The following CUX1 variants were observed in gnomAD, a reference collection of about 807,000 sequenced individuals.
CUX1 encodes the protein protein CASP.
CUX1 carries 31 observed loss-of-function variants against 158.8 expected under a neutral mutation model. The ratio of observed to expected loss-of-function variants is 0.20; its 90% CI spans 0.15 to 0.26. CUX1 has a LOEUF of 0.26. CUX1 is among the 10% of genes least tolerant of loss of function. CUX1 has a pLI of 1.00. For synonymous variants in CUX1, 879 were observed against 862.1 expected, an observed-to-expected ratio of 1.02 and a Z score of -0.34; for missense variants, 1,589 against 2,014.6, an observed-to-expected ratio of 0.79 and a Z score of 4.04.
intron 1 of CUX1, among the ~76,000 whole-genome samples, chr7:101,856,326 A>G (rs1206825227): frequency 1.3e-5 from 2 of 151,940 alleles, no homozygotes; most frequent in Non-Finnish European, 1.5e-5. Context: ...ATGTTATTCC[A>G]CGGTTGCGGT....
At chr7:101,992,183 G>C (rs1297163089) in intron 2 of CUX1, among the ~76,000 whole-genome samples, 2 of 151,936 alleles carry the variant, frequency 1.3e-5, no homozygotes, top group Non-Finnish European at 2.9e-5. Flanking sequence ...ACTTCTTCTA[G>C]CCAGAGCTTT....
chr7:102,070,248 G>A (rs1234096111), intron 3 of CUX1, 91 bp from the exon 4 acceptor site: 1 of 1,095,552 alleles, frequency 9.1e-7, no homozygotes, highest in Non-Finnish European at 1.3e-6. Context: ...CCTTGCTACG[G>A]GAATTCACTA....
intron 8 of CUX1, among the ~76,000 whole-genome samples, chr7:102,124,979 G>A (rs782619902): frequency 9.2e-5 from 14 of 151,910 alleles, no homozygotes; most frequent in Non-Finnish European, 1.8e-4. Context: ...ACAGGGTTTC[G>A]CCATGTTGGC....
intron 1 of CUX1, among the ~76,000 whole-genome samples, chr7:101,860,423 A>T (rs1230833877): frequency 1.3e-5 from 2 of 152,260 alleles, no homozygotes; most frequent in Non-Finnish European, 2.9e-5. Flanking sequence ...AAAATACCTA[A>T]TACCACGATC....
At chr7:101,922,169 T>C (rs142924971) in intron 2 of CUX1, among the ~76,000 whole-genome samples, 32 of 152,350 alleles carry the variant, frequency 2.1e-4, no homozygotes, top group African/African-American at 5.8e-4. Context: ...CAAATATTTA[T>C]TGAACACCTT....
chr7:101,925,231 C>T (rs1805450626), intron 2 of CUX1, among the ~76,000 whole-genome samples: 1 of 152,182 alleles, frequency 6.6e-6, no homozygotes, highest in Non-Finnish European at 1.5e-5. Flanking sequence ...GCCTCAGCCT[C>T]CCAAATAGCT....
chr7:101,926,273 A>G (rs1048905765), intron 2 of CUX1, among the ~76,000 whole-genome samples: 4 of 152,230 alleles, frequency 2.6e-5, no homozygotes, highest in African/African-American at 7.2e-5. Context: ...ACTGTTACCA[A>G]TTAAACCCTT....
intron 12 of CUX1, among the ~76,000 whole-genome samples, chr7:102,192,302 G>T (rs1262553431): frequency 6.6e-6 from 1 of 152,132 alleles, no homozygotes; most frequent in African/African-American, 2.4e-5. Context: ...GATCCCTCCT[G>T]CTGGGGTCCT....
chr7:102,056,748 T>C (rs944566241), intron 3 of CUX1, among the ~76,000 whole-genome samples: 3 of 151,972 alleles, frequency 2.0e-5, no homozygotes, highest in African/African-American at 7.3e-5. Context: ...TTTTTGTATT[T>C]TTAGAAGAGA....
At chr7:101,980,487 C>T (rs1227842028) in intron 2 of CUX1, among the ~76,000 whole-genome samples, 4 of 152,052 alleles carry the variant, frequency 2.6e-5, no homozygotes, top group South Asian at 2.1e-4. Context: ...CCAGCCTGGG[C>T]GACAGAGGGA....
intron 3 of CUX1, among the ~76,000 whole-genome samples, chr7:102,033,283 CAATT>C (rs1311438636): frequency 4.6e-5 from 7 of 151,252 alleles, no homozygotes; most frequent in African/African-American, 1.2e-4. Context: ...GACTCCATCT[CAATT>C]AAATAAATAA....
At position 102,132,292 on chromosome 7, in the gene CUX1, A is replaced by T. The variant is rs182497340; in HGVS notation, c.674+17019A>T. On this transcript the variant is annotated intron_variant, in intron 8 of 23. Transcript: ENST00000292535. The stretch of plus-strand genomic sequence containing the variant: ...TATTTGCAATATATATGAGAGAGAG[A>T]GTGTGTGTGTGTGTGTGCGCGCGCG... Among the ~76,000 whole-genome samples, 69 of 103,400 alleles carry T rather than the reference A, an allele frequency of 6.7e-4. 1 individual carries two copies. Among genetic ancestry groups the T allele is most frequent in the Non-Finnish European group, 8.7e-4 (46 of 53,058 alleles). 67.8% of individuals were successfully genotyped at this position (103,400 alleles called of 152,430 possible).
chr7:102,072,452 G>A (rs536918551), intron 4 of CUX1, among the ~76,000 whole-genome samples: 1 of 152,206 alleles, frequency 6.6e-6, no homozygotes, highest in Non-Finnish European at 1.5e-5. Flanking sequence ...ACTTCTATGC[G>A]AACGAAGACT....
chr7:101,894,477 A>G (rs1801245359), intron 1 of CUX1, among the ~76,000 whole-genome samples: 1 of 151,968 alleles, frequency 6.6e-6, no homozygotes, highest in African/African-American at 2.4e-5. Flanking sequence ...CACTTGGATA[A>G]TTTTTTGTAT....
intron 9 of CUX1, among the ~76,000 whole-genome samples, chr7:102,162,632 G>A (rs1204182223): frequency 4.0e-5 from 6 of 151,766 alleles, no homozygotes; most frequent in South Asian, 2.1e-4. Context: ...TGCCCACCTC[G>A]GCCTCCCAAA....
At chr7:102,275,116 T>G in intron 16 of CUX1, 3 of 641,424 alleles carry the variant, frequency 4.7e-6, no homozygotes, top group Non-Finnish European at 8.1e-6. Flanking sequence ...CACCAGGGAG[T>G]CAGACACCAT....
At chr7:101,937,802 C>A (rs375778021) in intron 2 of CUX1, among the ~76,000 whole-genome samples, 2 of 152,068 alleles carry the variant, frequency 1.3e-5, no homozygotes, top group African/African-American at 4.8e-5. Context: ...CGAGAGCCAC[C>A]GCGCCCAGCC....
chr7:101,867,410 C>T (rs113711844), intron 1 of CUX1, among the ~76,000 whole-genome samples: 3,821 of 152,296 alleles, frequency 0.025, 180 homozygotes, highest in African/African-American at 0.086. Flanking sequence ...CAGGGGCCCA[C>T]CTGCCACCCT....
intron 6 of CUX1, among the ~76,000 whole-genome samples, chr7:102,106,951 G>A (rs893854077): frequency 1.3e-5 from 2 of 152,196 alleles, no homozygotes; most frequent in Non-Finnish European, 1.5e-5. Flanking sequence ...AAACTGGCTG[G>A]GCACAGTGGC....
Sources: allele counts gnomAD v4.1 joint callset (sites outside exome capture counted in the v4.1 genomes callset), GRCh38; gene constraint gnomAD v4.1.1; transcripts MANE v1.5; gene names NCBI Gene and HGNC (gene_info 2026-07-23, HGNC 2026-07-21).